ZFAT: variants seen among roughly 807,000 people sequenced by gnomAD.
ZFAT encodes zinc finger and AT-hook domain containing.
ZFAT carries 64 observed loss-of-function variants against 117.7 expected under a neutral mutation model. The observed-to-expected ratio is 0.54, with a 90% CI of 0.44 to 0.67. The LOEUF (loss-of-function observed/expected upper bound fraction) is 0.67, where lower values mean the gene tolerates loss of function less well. Among genes scored for constraint, ZFAT ranks in the 30% least tolerant of loss-of-function variants. ZFAT has a pLI of 0.00. For synonymous variants in ZFAT, 679 were observed against 615.0 expected (o/e 1.10, Z -1.54); for missense variants, 1,433 against 1,584.5 (o/e 0.90, Z 1.62).
intron 2 of ZFAT, among the ~76,000 whole-genome samples, chr8:134,647,538 T>A (rs1251818883): frequency 6.6e-6 from 1 of 152,156 alleles, no homozygotes; most frequent in Non-Finnish European, 1.5e-5. Context: ...AGTAGTTAGG[T>A]AAGCAAAAAT....
chr8:134,761,710 G>C, the ZFAT span, among the ~76,000 whole-genome samples: 8 of 151,376 alleles, frequency 5.3e-5, no homozygotes, highest in African/African-American at 1.7e-4. Context: ...AAAAAAAAAA[G>C]TAAAATAAAA....
the ZFAT span, among the ~76,000 whole-genome samples, chr8:134,746,458 C>T: frequency 2.6e-5 from 4 of 152,200 alleles, no homozygotes; most frequent in South Asian, 2.1e-4. Flanking sequence ...ATCGCATTAG[C>T]TTTTTAAACA....
At chr8:134,489,394 C>CTGGAAA (rs1229673646) in intron 15 of ZFAT, among the ~76,000 whole-genome samples, 1 of 152,106 alleles carries the variant, frequency 6.6e-6, no homozygotes, top group Non-Finnish European at 1.5e-5. Flanking sequence ...GGCCTGCTCT[C>CTGGAAA]TTCCAGAGTG....
chr8:134,481,383 T>C (rs1330230006), intron 15 of ZFAT, among the ~76,000 whole-genome samples: 2 of 152,104 alleles, frequency 1.3e-5, no homozygotes, highest in African/African-American at 2.4e-5. Context: ...CCACACACAA[T>C]ACAGGGAGAC....
At chr8:134,509,117 T>G (rs1267584951) in intron 15 of ZFAT, among the ~76,000 whole-genome samples, 1 of 152,192 alleles carries the variant, frequency 6.6e-6, no homozygotes, top group Non-Finnish European at 1.5e-5. Context: ...ATTAATTAAG[T>G]GGAGTAACCT....
intron 1 of ZFAT, among the ~76,000 whole-genome samples, chr8:134,693,454 C>A (rs988450267): frequency 6.6e-6 from 1 of 152,116 alleles, no homozygotes; most frequent in Non-Finnish European, 1.5e-5. Context: ...GAAAAGAGAA[C>A]GTTCTTCCTT....
At chr8:134,646,178 C>T (rs1177005389) in intron 2 of ZFAT, among the ~76,000 whole-genome samples, 1 of 152,176 alleles carries the variant, frequency 6.6e-6, no homozygotes, top group Admixed American at 6.5e-5. Context: ...CACTGCACTC[C>T]AGCCTGGGCG....
chr8:134,704,220 C>T (rs1834088552), intron 1 of ZFAT, among the ~76,000 whole-genome samples: 1 of 152,172 alleles, frequency 6.6e-6, no homozygotes, highest in Admixed American at 6.5e-5. Context: ...AGGAACCTGG[C>T]TAGCCCTGAA....
intron 7 of ZFAT, chr8:134,599,789 A>G (rs1283711190): frequency 2.2e-6 from 1 of 456,028 alleles, no homozygotes; most frequent in Admixed American, 2.4e-5. Flanking sequence ...CTCAGGTGTC[A>G]GCCTCTTGAG....
chr8:134,708,493 T>G (rs1254467780), intron 1 of ZFAT, among the ~76,000 whole-genome samples: 3 of 152,154 alleles, frequency 2.0e-5, no homozygotes, highest in Non-Finnish European at 4.4e-5. Flanking sequence ...TGTTACCCAA[T>G]TTTAAGTCCG....
At chr8:134,604,155 A>T (rs145548428) in intron 5 of ZFAT, among the ~76,000 whole-genome samples, 302 of 152,288 alleles carry the variant, frequency 2.0e-3, no homozygotes, top group African/African-American at 7.0e-3. Context: ...ATAATTATTG[A>T]GTATGTGTAG....
At chr8:134,605,500 C>G (rs748060156) in intron 5 of ZFAT, among the ~76,000 whole-genome samples, 4 of 150,656 alleles carry the variant, frequency 2.7e-5, no homozygotes, top group Admixed American at 2.0e-4. Context: ...GAGCCCAGAT[C>G]GCGCCACTGC....
chr8:134,583,791 C>T (rs1468756261), intron 10 of ZFAT, 41 bp downstream of exon 10: 2 of 1,602,360 alleles, frequency 1.2e-6, no homozygotes, highest in South Asian at 2.2e-5. Flanking sequence ...CTTCAAACCA[C>T]ACATTTAGAG....
At chr8:134,626,009 G>A (rs77350502) in intron 3 of ZFAT, among the ~76,000 whole-genome samples, 5,880 of 152,260 alleles carry the variant, frequency 0.039, 386 homozygotes, top group African/African-American at 0.13. Context: ...TAGTCCCTGA[G>A]AGCCAGCAGC....
chr8:134,745,594 A>G, the ZFAT span, among the ~76,000 whole-genome samples: 3 of 152,068 alleles, frequency 2.0e-5, no homozygotes, highest in Non-Finnish European at 4.4e-5. Context: ...AGTGCCGTGG[A>G]CTCCCCAGTT....
chr8:134,611,047 C>G (rs567463066), intron 3 of ZFAT, among the ~76,000 whole-genome samples: 2 of 152,368 alleles, frequency 1.3e-5, no homozygotes, highest in Non-Finnish European at 2.9e-5. Flanking sequence ...CACTTATCAG[C>G]TACTGTCTGG....
At chr8:134,722,730 C>T in the ZFAT span, among the ~76,000 whole-genome samples, 1 of 152,184 alleles carries the variant, frequency 6.6e-6, no homozygotes. Flanking sequence ...GATGGAGCTG[C>T]AAAGGACACT....
chr8:134,555,793 A>G (rs1487170014), intron 11 of ZFAT, among the ~76,000 whole-genome samples: 1 of 150,788 alleles, frequency 6.6e-6, no homozygotes, highest in East Asian at 1.9e-4. Flanking sequence ...AGTAACTAGA[A>G]CAAATACGTT....
In ZFAT at chr8:134,601,717, G is replaced by T. The variant is rs1827480440; in HGVS notation, c.2002C>A (p.Pro668Thr). The T allele has an allele frequency of 2.5e-6, 4 of 1,613,072 alleles. No homozygotes were observed. The highest frequency in any genetic ancestry group is 2.2e-5 in the South Asian group (2 of 90,952). Reference protein sequence around the residue: ...QNMAVLSAGDPDPSRCLRSNP... With the variant: ...QNMAVLSAGDTDPSRCLRSNP... ...GACCTGAGACACCTGCTGGGATCTG[G>T]GTCACCAGCTGAAAGCACAGCCATG... Residue 668 changes from proline (P) to threonine (T), a missense_variant, in exon 6 of 16, where the codon CCA becomes ACA. Pro to Thr is a conservative substitution (Grantham distance 38, BLOSUM62 -1). Around this residue, in one of 5 missense-constraint regions of ZFAT, gnomAD observed 372 missense variants for 355.6 expected, o/e 1.05. Transcript: ENST00000377838.
Sources: allele counts gnomAD v4.1 joint callset (sites outside exome capture counted in the v4.1 genomes callset), GRCh38; gene constraint gnomAD v4.1.1; regional missense constraint gnomAD v4.1.1; transcripts MANE v1.5; gene names NCBI Gene and HGNC (gene_info 2026-07-23, HGNC 2026-07-21).